Variants in CRAMP1 observed in about 807,000 individuals in gnomAD.
CRAMP1 encodes cramped chromatin regulator 1, also known as protein cramped-like.
Under a neutral mutation model 115.4 loss-of-function variants are expected in CRAMP1, and 50 were observed. The ratio of observed to expected loss-of-function variants is 0.43; its 90% confidence interval spans 0.35 to 0.55. CRAMP1 has a LOEUF of 0.55. Ranked by LOEUF, CRAMP1 falls within the 20% of genes least tolerant of loss-of-function variation. The pLI, the probability that CRAMP1 is intolerant of heterozygous loss-of-function variation, is 0.01. For synonymous variants in CRAMP1, 866 were observed against 745.4 expected (o/e 1.16, Z -2.64); for missense variants, 1,679 against 1,721.7 (o/e 0.98, Z 0.44).
intron 10 of CRAMP1, among the ~76,000 whole-genome samples, 178 bp from the exon 11 acceptor site, chr16:1,659,708 G>C (rs914764316): frequency 1.3e-5 from 2 of 152,186 alleles, no homozygotes; most frequent in African/African-American, 4.8e-5. Flanking sequence ...TTTAAAACTG[G>C]CAAGCTGCCA....
intron 10 of CRAMP1, among the ~76,000 whole-genome samples, 165 bp downstream of exon 10, chr16:1,657,157 G>A (rs1445257901): frequency 6.6e-6 from 1 of 152,228 alleles, no homozygotes; most frequent in Non-Finnish European, 1.5e-5. Flanking sequence ...AAGGAAGTGG[G>A]AGAGGCAGGG....
chr16:1,659,795 G>T, intron 10 of CRAMP1, 91 bp from the exon 11 acceptor site: 1 of 1,236,130 alleles, frequency 8.1e-7, no homozygotes, highest in Middle Eastern at 1.9e-4. Context: ...TTCTGAGCTC[G>T]ATGATTTTCT....
In CRAMP1 at chr16:1,669,162, T is replaced by G. The variant is rs368858091; in HGVS notation, c.3496T>G (p.Phe1166Val). The G allele has an allele frequency of 1.2e-5, 19 of 1,598,256 alleles. No individual in the cohort carries two copies. The highest frequency in any genetic ancestry group is 1.5e-5 in the Non-Finnish European group (18 of 1,171,606). ...DSTDSSLSSL[F>V]ASFISPEKSR... ...CACCGACTCCTCGCTCAGCAGCCTG[T>G]TTGGTGAGTGTATGGGGAGGGCTCC... Residue 1166 changes from phenylalanine (F) to valine (V), a missense_variant, in exon 19 of 21, where the codon TTT (phenylalanine) becomes GTT (valine). This residue lies in a region of CRAMP1 where 709 missense variants were observed against 741.9 expected (regional missense o/e 0.96). Transcript: ENST00000397412. This position sits in a 1 kb window ranked among gnomAD's most constrained non-coding sequence, Gnocchi z 4.6.
chr16:1,665,344 C>A (rs1404899008), intron 14 of CRAMP1, among the ~76,000 whole-genome samples: 6 of 152,330 alleles, frequency 3.9e-5, no homozygotes, highest in African/African-American at 1.4e-4. Context: ...GCAGCTAGTC[C>A]AAAGGGTGCC....
chr16:1,674,788 G>C lies in CRAMP1; in HGVS notation c.*743G>C, dbSNP rs140259658. ...TTTTCTTGTGTTTTAAGAATTAGGA[G>C]ACATGGAAGAGGAAGAACAAAGTCC... On this transcript the variant is annotated 3_prime_UTR_variant, in exon 21 of 21. Coordinates refer to ENST00000397412, the MANE Select transcript of CRAMP1 (RefSeq NM_020825.4). 68 of 152,318 alleles carry C rather than the reference G, an allele frequency of 4.5e-4. 1 individual carries two copies. The highest frequency in any genetic ancestry group is 1.5e-3 in the African/African-American group (63 of 41,530). The allele number at this position is 152,318 out of a possible 1,614,324, so 9.4% of individuals were successfully genotyped here. A position where few individuals can be genotyped will look rare whatever the true frequency, so the allele number is the denominator to read the frequency against.
chr16:1,659,293 A>C (rs928560576), intron 10 of CRAMP1, among the ~76,000 whole-genome samples: 1 of 151,696 alleles, frequency 6.6e-6, no homozygotes, highest in Non-Finnish European at 1.5e-5. Context: ...CCTCCCTCCC[A>C]CCTCTGCCCG....
intron 5 of CRAMP1, among the ~76,000 whole-genome samples, chr16:1,639,971 C>G (rs768416201): frequency 6.6e-6 from 1 of 152,202 alleles, no homozygotes; most frequent in East Asian, 1.9e-4. Flanking sequence ...ACACTGCTCC[C>G]AGGCTTCCAA....
intron 11 of CRAMP1, among the ~76,000 whole-genome samples, chr16:1,660,823 A>G (rs1048911816): frequency 2.0e-5 from 3 of 152,148 alleles, no homozygotes; most frequent in African/African-American, 7.2e-5. Flanking sequence ...CCTGGCCAAC[A>G]TGGCGAAACC....
At chr16:1,662,898 T>C in intron 13 of CRAMP1, 63 bp downstream of exon 13, 1 of 1,263,092 alleles carries the variant, frequency 7.9e-7, no homozygotes, top group Non-Finnish European at 1.1e-6. Context: ...ACACAGGGCT[T>C]CTTCCCTCTC....
chr16:1,642,486 G>A (rs902456163), intron 6 of CRAMP1, among the ~76,000 whole-genome samples: 2 of 152,250 alleles, frequency 1.3e-5, no homozygotes, highest in African/African-American at 4.8e-5. Flanking sequence ...GAGTGGGTCT[G>A]GGGTACAGCC....
intron 20 of CRAMP1, among the ~76,000 whole-genome samples, chr16:1,673,379 G>C (rs907104787): frequency 6.6e-6 from 1 of 151,642 alleles, no homozygotes; most frequent in Non-Finnish European, 1.5e-5. Flanking sequence ...TCATGTCTAT[G>C]ATGGGAATGT....
chr16:1,649,621 C>T (rs1298555557), intron 6 of CRAMP1, among the ~76,000 whole-genome samples: 8 of 152,150 alleles, frequency 5.3e-5, no homozygotes, highest in East Asian at 1.9e-4. Context: ...TCCCGAGTAG[C>T]TGGGCCTACA....
chr16:1,623,557 C>A (rs556629212), intron 2 of CRAMP1, among the ~76,000 whole-genome samples: 48 of 152,316 alleles, frequency 3.2e-4, no homozygotes, highest in African/African-American at 1.1e-3. Context: ...AAACCTGATA[C>A]GTAACGGCAG....
intron 8 of CRAMP1, 106 bp downstream of exon 8, chr16:1,653,262 C>T (rs1477309464): frequency 2.1e-5 from 28 of 1,324,832 alleles, no homozygotes; most frequent in African/African-American, 1.0e-4. Context: ...CAGGTCCACC[C>T]CTATGCTCTG....
chr16:1,656,756 A>G lies in CRAMP1; in HGVS notation c.1999A>G (p.Ser667Gly), dbSNP rs1262984827. The change falls in exon 10 of 21, where the codon AGC becomes GGC. Residue 667 changes from serine (S) to glycine (G), a missense_variant. Physicochemically the swap from Ser to Gly is moderately conservative, Grantham distance 56 (BLOSUM62 0). This residue lies in a region of CRAMP1 where 405 missense variants were observed against 302.6 expected (regional missense o/e 1.34). Coordinates refer to ENST00000397412, the MANE Select transcript of CRAMP1 (RefSeq NM_020825.4). This position sits in a 1 kb window ranked among gnomAD's most constrained non-coding sequence, Gnocchi z 5.6. ...CAGGCCCCCGAAGGAGGTCCCCGCC[A>G]GCCGGCTGGCTCAGCAGCTCCGTGA... ...AARPPKEVPASRLAQQLREEG... is the reference protein window; with the variant it reads ...AARPPKEVPAGRLAQQLREEG... The G allele has an allele frequency of 1.3e-6, 2 of 1,547,682 alleles. No individual in the cohort carries two copies. The highest frequency in any genetic ancestry group is 1.7e-6 in the Non-Finnish European group (2 of 1,145,230).
intron 11 of CRAMP1, among the ~76,000 whole-genome samples, chr16:1,660,919 G>C (rs926176805): frequency 6.6e-6 from 1 of 152,212 alleles, no homozygotes; most frequent in African/African-American, 2.4e-5. Context: ...TGAGGCAGGA[G>C]AATCACTTGA....
intron 1 of CRAMP1, among the ~76,000 whole-genome samples, chr16:1,612,892 C>T (rs1049138610): frequency 3.3e-5 from 5 of 152,104 alleles, no homozygotes; most frequent in African/African-American, 1.2e-4. Flanking sequence ...TGGAGGTTCT[C>T]GCGAAAAGGA....
chr16:1,669,224 C>A lies in CRAMP1; in HGVS notation c.3499+59C>A. 1 of 1,326,534 alleles carries A rather than the reference C, an allele frequency of 7.5e-7. No individual in the cohort carries two copies. Among genetic ancestry groups the A allele is most frequent in the Non-Finnish European group, 1.0e-6 (1 of 981,066 alleles). 82.2% of individuals were successfully genotyped at this position (1,326,534 alleles called of 1,614,324 possible). A position where few individuals can be genotyped will look rare whatever the true frequency, so the allele number is the denominator to read the frequency against. ...CCAGGGCAGCAGGGGCTGGGGTCTG[C>A]GGGACACTGGATTCTCATTCTACTC... On this transcript the variant is annotated intron_variant, in intron 19 of 20. Coordinates refer to ENST00000397412, the MANE Select transcript of CRAMP1 (RefSeq NM_020825.4). The surrounding 1 kb of genome is among the most constrained non-coding windows in gnomAD (Gnocchi z 4.6).
At position 1,637,918 on chromosome 16, in the gene CRAMP1, T is replaced by G. The variant is rs1007787052; in HGVS notation, c.778+11T>G. 2 of 1,482,492 alleles carry G rather than the reference T, an allele frequency of 1.3e-6. No individual in the cohort carries two copies. The highest frequency in any genetic ancestry group is 2.8e-5 in the African/African-American group (2 of 70,472). 91.8% of individuals were successfully genotyped at this position (1,482,492 alleles called of 1,614,324 possible). ...AGAAGATTGGGGGCTGTGAGTACGC[T>G]GACTGTGGGGTTGCCCACGGCTCCT... On this transcript the variant is annotated intron_variant, in intron 5 of 20. Transcript: ENST00000397412.
Sources: allele counts gnomAD v4.1 joint callset (sites outside exome capture counted in the v4.1 genomes callset), GRCh38; gene constraint gnomAD v4.1.1; regional missense constraint gnomAD v4.1.1; non-coding constraint Gnocchi (gnomAD v3.1); transcripts MANE v1.5; gene names NCBI Gene and HGNC (gene_info 2026-07-23, HGNC 2026-07-21).